The following TBC1D30 variants were observed in gnomAD, a reference collection of about 807,000 sequenced individuals.
TBC1D30 encodes TBC1 domain family, member 30.
Under a neutral mutation model 63.2 loss-of-function variants are expected in TBC1D30, and 31 were observed. The observed-to-expected ratio is 0.49, with a 90% CI of 0.37 to 0.66. The LOEUF (loss-of-function observed/expected upper bound fraction) is 0.66. TBC1D30 is among the 30% of genes least tolerant of loss of function. TBC1D30 has a pLI of 0.00. For synonymous variants in TBC1D30, 307 were observed against 361.5 expected, an observed-to-expected ratio of 0.85 and a Z score of 1.71; for missense variants, 810 against 953.6, an observed-to-expected ratio of 0.85 and a Z score of 1.98.
rs1029008771 is a variant in TBC1D30 at position 64,879,576 on chromosome 12, T to C, written c.*3788T>C. 5.3e-5 allele frequency: 8 copies of C among 152,248 alleles called. No homozygotes were observed. Among genetic ancestry groups the C allele is most frequent in the African/African-American group, 1.2e-4 (5 of 41,466 alleles). 9.4% of individuals were successfully genotyped at this position (152,248 alleles called of 1,614,324 possible). ...AGGCAGCAGTCTCTTTCCTTTTTTTTCCTTTCTATGACTTCTAGTGTGGAA... is the reference window on the plus strand; with the variant it reads ...AGGCAGCAGTCTCTTTCCTTTTTTTCCCTTTCTATGACTTCTAGTGTGGAA... On this transcript the variant is annotated 3_prime_UTR_variant, in exon 12 of 12. Transcript: ENST00000539867.
intron 8 of TBC1D30, among the ~76,000 whole-genome samples, chr12:64,847,112 T>G (rs1462299749): frequency 1.3e-5 from 2 of 151,236 alleles, no homozygotes; most frequent in African/African-American, 4.8e-5. Flanking sequence ...TTTTCAATCT[T>G]GGTAGGTTGT....
At chr12:64,829,145 T>C (rs533452310) in intron 3 of TBC1D30, among the ~76,000 whole-genome samples, 9 of 152,248 alleles carry the variant, frequency 5.9e-5, no homozygotes, top group Non-Finnish European at 1.3e-4. Context: ...GGTCTTGGGC[T>C]TTTGCTCAGT....
intron 2 of TBC1D30, among the ~76,000 whole-genome samples, chr12:64,796,913 A>G (rs557166739): frequency 1.3e-5 from 2 of 151,896 alleles, no homozygotes; most frequent in Non-Finnish European, 2.9e-5. Context: ...ATTTGGTAGG[A>G]CAATCAACTG....
At chr12:64,763,471 GATT>G (rs1870592126) in intron 1 of TBC1D30, among the ~76,000 whole-genome samples, 2 of 152,040 alleles carry the variant, frequency 1.3e-5, no homozygotes, top group African/African-American at 4.8e-5. Context: ...AGTGTGAAAT[GATT>G]ATTCTCTTCC....
At chr12:64,806,565 TGCAC>T (rs1872884569) in intron 2 of TBC1D30, among the ~76,000 whole-genome samples, 2 of 152,186 alleles carry the variant, frequency 1.3e-5, no homozygotes, top group South Asian at 4.1e-4. Context: ...GAAACCCTTG[TGCAC>T]GGTTGATGAG....
At chr12:64,860,510 G>A (rs1386215946) in intron 8 of TBC1D30, among the ~76,000 whole-genome samples, 1 of 151,574 alleles carries the variant, frequency 6.6e-6, no homozygotes, top group African/African-American at 2.4e-5. Flanking sequence ...TTAATGTTAC[G>A]GGCTTCAGCA....
upstream of TBC1D30, among the ~76,000 whole-genome samples, chr12:64,779,574 T>C (rs75087540): frequency 7.5e-3 from 1,148 of 152,276 alleles, 7 homozygotes; most frequent in Middle Eastern, 0.014. Context: ...GGCTCTATTA[T>C]GAAAGTGCCT....
At chr12:64,809,804 C>G (rs1295246367) in intron 2 of TBC1D30, among the ~76,000 whole-genome samples, 1 of 152,162 alleles carries the variant, frequency 6.6e-6, no homozygotes, top group Non-Finnish European at 1.5e-5. Context: ...CAGATCCAGT[C>G]TAATTAATCA....
chr12:64,789,000 A>G (rs1204211022), intron 2 of TBC1D30, among the ~76,000 whole-genome samples: 1 of 152,164 alleles, frequency 6.6e-6, no homozygotes, highest in Non-Finnish European at 1.5e-5. Flanking sequence ...AAAGTCAACT[A>G]ATTCTAAAGA....
intron 5 of TBC1D30, among the ~76,000 whole-genome samples, chr12:64,834,566 C>T (rs1176765354): frequency 1.3e-5 from 2 of 151,804 alleles, no homozygotes; most frequent in Non-Finnish European, 2.9e-5. Context: ...ACCACCACGC[C>T]CAGCAAATTT....
In TBC1D30 at chr12:64,864,710, G is replaced by C. The variant is rs1208319441; in HGVS notation, c.1081G>C (p.Glu361Gln). 6.5e-7 allele frequency: 1 copy of C among 1,536,346 alleles called. No homozygotes were observed. Among genetic ancestry groups the C allele is most frequent in the Non-Finnish European group, 8.7e-7 (1 of 1,146,956 alleles). ...TCCGTTCCCTTTCCCACAATTGGCAGAGTTGAGGGAAAAATACACCTACAA... is the reference window on the plus strand; with the variant it reads ...TCCGTTCCCTTTCCCACAATTGGCACAGTTGAGGGAAAAATACACCTACAA... ...MAPFPFPQLA[E>Q]LREKYTYNIT... Residue 361 changes from glutamate (E) to glutamine (Q), a missense_variant, in exon 9 of 12, where the codon GAG (glutamate) becomes CAG (glutamine). Glu to Gln is a conservative substitution (Grantham distance 29). Around this residue, in one of 4 missense-constraint regions of TBC1D30, gnomAD observed 83 missense variants for 121.5 expected, o/e 0.68. Coordinates refer to ENST00000539867, the MANE Select transcript of TBC1D30 (RefSeq NM_015279.2).
At chr12:64,830,867 T>G (rs1391687512) in intron 4 of TBC1D30, among the ~76,000 whole-genome samples, 2 of 152,202 alleles carry the variant, frequency 1.3e-5, no homozygotes, top group East Asian at 3.8e-4. Context: ...AATGATTTGG[T>G]TCTTATTAGG....
In TBC1D30 at chr12:64,880,455, G is replaced by C. The variant is rs982961996; in HGVS notation, c.*4667G>C. 6.6e-6 allele frequency: 1 copy of C among 152,254 alleles called. No homozygotes were observed. Among genetic ancestry groups the C allele is most frequent in the Admixed American group, 6.5e-5 (1 of 15,270 alleles). 9.4% of individuals were successfully genotyped at this position (152,254 alleles called of 1,614,324 possible). On this transcript the variant is annotated 3_prime_UTR_variant, in exon 12 of 12. Transcript: ENST00000539867. ...TGCAAATTTGGTATCTGGTGAGGAA[G>C]GGCCCTCTTCCTGGTTTGCAGATGG...
At chr12:64,872,319 C>G (rs1327204641) in intron 11 of TBC1D30, among the ~76,000 whole-genome samples, 2 of 152,186 alleles carry the variant, frequency 1.3e-5, no homozygotes, top group African/African-American at 4.8e-5. Context: ...TGGGCCACCG[C>G]ACCTGGCCTG....
intron 10 of TBC1D30, 144 bp downstream of exon 10, chr12:64,867,047 C>G (rs1878280034): frequency 1.1e-6 from 1 of 944,096 alleles, no homozygotes; most frequent in Non-Finnish European, 1.5e-6. Context: ...CATGGTGGGT[C>G]ATGCCTGTAA....
At chr12:64,817,748 A>G (rs1435828935) in intron 2 of TBC1D30, among the ~76,000 whole-genome samples, 2 of 152,166 alleles carry the variant, frequency 1.3e-5, no homozygotes, top group African/African-American at 4.8e-5. Context: ...CTCTCCTTTC[A>G]TACCTCTCCT....
chr12:64,845,487 G>A (rs1306515892), intron 8 of TBC1D30, among the ~76,000 whole-genome samples: 3 of 152,138 alleles, frequency 2.0e-5, no homozygotes, highest in Non-Finnish European at 4.4e-5. Context: ...AGCGCTTTGG[G>A]AGGCTGAGGC....
intron 2 of TBC1D30, among the ~76,000 whole-genome samples, chr12:64,807,819 C>T (rs1471954760): frequency 2.0e-5 from 3 of 151,768 alleles, no homozygotes; most frequent in African/African-American, 7.3e-5. Context: ...AATCATAGCT[C>T]ACTGTAACCT....
At chr12:64,764,000 AC>A (rs1266864829) in intron 1 of TBC1D30, among the ~76,000 whole-genome samples, 1 of 152,226 alleles carries the variant, frequency 6.6e-6, no homozygotes, top group Non-Finnish European at 1.5e-5. Context: ...TTAACAGATG[AC>A]TGATTATAAA....
Sources: allele counts gnomAD v4.1 joint callset (sites outside exome capture counted in the v4.1 genomes callset), GRCh38; gene constraint gnomAD v4.1.1; regional missense constraint gnomAD v4.1.1; transcripts MANE v1.5; gene names NCBI Gene and HGNC (gene_info 2026-07-23, HGNC 2026-07-21).